The following LRRN3 variants were observed in gnomAD, a reference collection of about 807,000 sequenced individuals.
The protein encoded by LRRN3 is leucine rich repeat neuronal 3, also known as leucine-rich repeat neuronal protein 3.
A neutral mutation model predicts 40.1 loss-of-function variants in LRRN3; 15 were observed. The observed-to-expected ratio is 0.37, with a 90% CI of 0.25 to 0.58. LRRN3 has a LOEUF of 0.58. Ranked by LOEUF, LRRN3 falls within the 20% of genes least tolerant of loss-of-function variation. The probability of loss-of-function intolerance (pLI) is 0.72; values close to 1 mark genes in which losing one functional copy is unlikely to be tolerated. For missense variants in LRRN3, 746 were observed against 837.7 expected, an observed-to-expected ratio of 0.89 and a Z score of 1.35; for synonymous variants, 308 against 297.2, an observed-to-expected ratio of 1.04 and a Z score of -0.37.
At position 111,123,477 on chromosome 7, in the gene LRRN3, G is replaced by A; in HGVS notation, c.705G>A (p.Leu235=). ...TEIPDNALVG[L]ENLESISFYD... ...TACCAGATAACGCCTTGGTTGGACT[G>A]GAAAACTTAGAAAGCATCTCTTTTT... Residue 235 remains leucine (L), a synonymous_variant, in exon 3 of 3, where the codon CTG becomes CTA. Transcript: ENST00000308478. The surrounding 1 kb of genome is among the most constrained non-coding windows in gnomAD (Gnocchi z 6.4). The A allele has an allele frequency of 6.2e-7, 1 of 1,613,774 alleles. No individual in the cohort carries two copies. Among genetic ancestry groups the A allele is most frequent in the Non-Finnish European group, 8.5e-7 (1 of 1,179,902 alleles).
chr7:111,119,987 T>C (rs1045694555), intron 2 of LRRN3, among the ~76,000 whole-genome samples: 1 of 152,080 alleles, frequency 6.6e-6, no homozygotes, highest in Non-Finnish European at 1.5e-5. Flanking sequence ...CAGTAAAACA[T>C]AATTTAAAAC....
intron 2 of LRRN3, among the ~76,000 whole-genome samples, chr7:111,119,094 A>C (rs1800259044): frequency 6.6e-6 from 1 of 152,166 alleles, no homozygotes; most frequent in African/African-American, 2.4e-5. Context: ...AGTTAACTTA[A>C]AGAAGGATAT....
At chr7:111,113,793 T>G (rs2129584628) in intron 2 of LRRN3, among the ~76,000 whole-genome samples, 1 of 152,270 alleles carries the variant, frequency 6.6e-6, no homozygotes, top group Non-Finnish European at 1.5e-5. Context: ...AATTTCCAAA[T>G]CTAGTTGGAA....
intron 2 of LRRN3, among the ~76,000 whole-genome samples, chr7:111,122,168 C>T (rs1800721927): frequency 6.6e-6 from 1 of 151,828 alleles, no homozygotes; most frequent in Admixed American, 6.6e-5. Context: ...CACATGTATA[C>T]ATATGTAACA....
rs773378794 is a variant in LRRN3 at position 111,124,894 on chromosome 7, T to G, written c.2122T>G (p.Ser708Ala). ...ATVIGLPTNM[S>A] is the part of the protein sequence containing the mutation. ...TGTTATAGGTTTACCAACAAATATG[T>G]CCTAAAAACCACCAAGGAAACCTAC... is the stretch of plus-strand genomic sequence containing the variant. The change falls in exon 3 of 3, where the codon TCC (serine) becomes GCC (alanine). Residue 708 changes from serine to alanine, a missense_variant. Ser to Ala is a moderately conservative substitution (Grantham distance 99, BLOSUM62 1). Coordinates refer to ENST00000308478, the MANE Select transcript of LRRN3 (RefSeq NM_001099658.2). 1 of 1,532,316 alleles carries G rather than the reference T, an allele frequency of 6.5e-7. No individual in the cohort carries two copies. Among genetic ancestry groups the G allele is most frequent in the Non-Finnish European group, 8.7e-7 (1 of 1,147,374 alleles). The allele number at this position is 1,532,316 out of a possible 1,614,324, so 94.9% of individuals were successfully genotyped here. A position where few individuals can be genotyped will look rare whatever the true frequency, so the allele number is the denominator to read the frequency against.
intron 2 of LRRN3, among the ~76,000 whole-genome samples, chr7:111,114,337 T>C (rs888943387): frequency 6.6e-6 from 1 of 152,136 alleles, no homozygotes; most frequent in East Asian, 1.9e-4. Context: ...TGCCACTGTT[T>C]GACAGACACA....
chr7:111,122,729 G>A lies in LRRN3; in HGVS notation c.-44G>A, dbSNP rs368767890. On this transcript the variant is annotated 5_prime_UTR_variant, in exon 3 of 3. Coordinates refer to ENST00000308478, the MANE Select transcript of LRRN3 (RefSeq NM_001099658.2). ...TATTGAACTTACTAGCACTGACTGT[G>A]GAATCCTTAAGGGCCCATTACATTT... 23 of 1,480,098 alleles carry A rather than the reference G, an allele frequency of 1.6e-5. No homozygotes were observed. The highest frequency in any genetic ancestry group is 2.0e-5 in the Non-Finnish European group (22 of 1,077,998). The allele number at this position is 1,480,098 out of a possible 1,614,324, so 91.7% of individuals were successfully genotyped here.
rs1368530520 is a variant in LRRN3 at position 111,124,076 on chromosome 7, A to C, written c.1304A>C (p.Glu435Ala). The change falls in exon 3 of 3, where the codon GAA (glutamate) becomes GCA (alanine). Residue 435 changes from glutamate to alanine, a missense_variant. By Grantham distance (107) the Glu-to-Ala change is moderately radical. Coordinates refer to ENST00000308478, the MANE Select transcript of LRRN3 (RefSeq NM_001099658.2). The stretch of plus-strand genomic sequence containing the variant: ...AGCTTTCCTTCTAATCTAAATGTAG[A>C]AGCTGGGAGCTATGTTTCCTTTCAC... ...PESFPSNLNV[E>A]AGSYVSFHCR... The C allele has an allele frequency of 8.1e-6, 13 of 1,613,894 alleles. No homozygotes were observed. Among genetic ancestry groups the C allele is most frequent in the African/African-American group, 1.3e-5 (1 of 74,898 alleles).
chr7:111,096,055 T>A (rs1797364305), intron 1 of LRRN3, among the ~76,000 whole-genome samples: 1 of 152,028 alleles, frequency 6.6e-6, no homozygotes, highest in Admixed American at 6.6e-5. Context: ...AACATAATAG[T>A]AATTAATTGA....
chr7:111,107,112 T>G (rs1214104792), intron 2 of LRRN3, among the ~76,000 whole-genome samples: 1 of 151,950 alleles, frequency 6.6e-6, no homozygotes, highest in Non-Finnish European at 1.5e-5. Flanking sequence ...ACTTAGAATC[T>G]CTCTCACTAG....
chr7:111,107,052 A>G (rs1375368355), intron 2 of LRRN3, among the ~76,000 whole-genome samples: 2 of 152,008 alleles, frequency 1.3e-5, no homozygotes, highest in African/African-American at 2.4e-5. Context: ...AAATCAGAGA[A>G]GAGACAGTTA....
At chr7:111,102,598 A>G (rs1798090965) in intron 2 of LRRN3, among the ~76,000 whole-genome samples, 1 of 151,648 alleles carries the variant, frequency 6.6e-6, no homozygotes, top group Non-Finnish European at 1.5e-5. Context: ...CAGTCAAATA[A>G]AAGAGAGAGA....
chr7:111,122,927 C>A lies in LRRN3; in HGVS notation c.155C>A (p.Thr52Lys). 1 of 1,614,020 alleles carries A rather than the reference C, an allele frequency of 6.2e-7. No homozygotes were observed. The highest frequency in any genetic ancestry group is 8.5e-7 in the Non-Finnish European group (1 of 1,179,950). ...AGATCCATTTATATGGAAGCATCTA[C>A]AGTGGATTGTAATGATTTAGGTCTT... ...TPRSIYMEASTVDCNDLGLLT... is the reference protein window; with the variant it reads ...TPRSIYMEASKVDCNDLGLLT... Residue 52 changes from threonine (T) to lysine (K), a missense_variant, in exon 3 of 3, where the codon ACA (threonine) becomes AAA (lysine). Transcript: ENST00000308478.
intron 2 of LRRN3, among the ~76,000 whole-genome samples, chr7:111,108,593 T>C (rs760625255): frequency 4.6e-5 from 7 of 152,170 alleles, no homozygotes; most frequent in Non-Finnish European, 7.4e-5. Context: ...AGAGTAGACA[T>C]TGGCTTAGAA....
chr7:111,106,062 C>T, intron 2 of LRRN3, among the ~76,000 whole-genome samples: 1 of 151,954 alleles, frequency 6.6e-6, no homozygotes, highest in Admixed American at 6.6e-5. Context: ...ATCACAGTAA[C>T]ACATAACATA....
At chr7:111,111,942 G>GTTTTTTTTTTTTTTTTT (rs748410980) in intron 2 of LRRN3, among the ~76,000 whole-genome samples, 2 of 84,110 alleles carry the variant, frequency 2.4e-5, no homozygotes, top group African/African-American at 5.0e-5. Context: ...TATATAGTTT[G>GTTTTTTTTTTTTTTTTT]TTTTTTTTTT....
chr7:111,106,887 A>G (rs1363270642), intron 2 of LRRN3, among the ~76,000 whole-genome samples: 2 of 151,812 alleles, frequency 1.3e-5, no homozygotes, highest in African/African-American at 4.8e-5. Flanking sequence ...TTAGAAGAGT[A>G]AAGGAAAACA....
rs191645518 is a variant in LRRN3, at chr7:111,124,480, C to T, written c.1708C>T (p.Arg570Ter). ...AAATTCTCATGCTGCGCAAAGTGCTCGAATACCATCTGATGTCAAGGTATA... is the reference window on the plus strand; with the variant it reads ...AAATTCTCATGCTGCGCAAAGTGCTTGAATACCATCTGATGTCAAGGTATA... ...TENSHAAQSA[R>*]IPSDVKVYNL... Residue 570 changes from arginine (R) to a stop codon, truncating the protein, a stop_gained, in exon 3 of 3, where the codon CGA (arginine) becomes TGA (stop). Coordinates refer to ENST00000308478, the MANE Select transcript of LRRN3 (RefSeq NM_001099658.2). LOFTEE classifies it high-confidence loss of function. 3 of 1,613,832 alleles carry T rather than the reference C, an allele frequency of 1.9e-6. No homozygotes were observed. Among genetic ancestry groups the T allele is most frequent in the East Asian group, 2.2e-5 (1 of 44,826 alleles).
At chr7:111,116,270 T>C (rs1034932904) in intron 2 of LRRN3, among the ~76,000 whole-genome samples, 1 of 152,138 alleles carries the variant, frequency 6.6e-6, no homozygotes, top group Non-Finnish European at 1.5e-5. Context: ...AAAATAAAAG[T>C]TCTTAAACAT....
Sources: gnomAD v4.1 joint callset for allele counts (sites outside exome capture counted in the v4.1 genomes callset) on GRCh38, gnomAD v4.1.1 for gene constraint, Gnocchi (gnomAD v3.1) non-coding constraint, MANE v1.5 for transcripts, NCBI Gene and HGNC (gene_info 2026-07-23, HGNC 2026-07-21) for gene names.